Variants in DNPEP observed in about 807,000 individuals in gnomAD.
DNPEP encodes aspartyl aminopeptidase.
DNPEP carries 46 observed loss-of-function variants against 59.1 expected under a neutral mutation model. That is an observed-to-expected ratio of 0.78 (90% CI 0.61 to 0.99). The LOEUF (loss-of-function observed/expected upper bound fraction) is 0.99, where lower values mean the gene tolerates loss of function less well. DNPEP is among the 50% of genes least tolerant of loss of function. DNPEP has a pLI of 0.00. For synonymous variants in DNPEP, 229 were observed against 242.2 expected, an observed-to-expected ratio of 0.95 and a Z score of 0.50; for missense variants, 617 against 649.9, an observed-to-expected ratio of 0.95 and a Z score of 0.55.
chr2:219,394,013 C>T (rs1227554828), intron 1 of DNPEP, among the ~76,000 whole-genome samples: 2 of 152,156 alleles, frequency 1.3e-5, no homozygotes, highest in Non-Finnish European at 2.9e-5. Context: ...TTAGCATATA[C>T]ATGTGCTATA....
At chr2:219,397,930 T>A (rs960450657) in intron 1 of DNPEP, among the ~76,000 whole-genome samples, 2 of 152,096 alleles carry the variant, frequency 1.3e-5, no homozygotes, top group Non-Finnish European at 2.9e-5. Flanking sequence ...AGATGGAGTT[T>A]CAGTATGTTG....
intron 1 of DNPEP, among the ~76,000 whole-genome samples, chr2:219,393,967 A>T (rs941878840): frequency 6.6e-6 from 1 of 152,062 alleles, no homozygotes; most frequent in Non-Finnish European, 1.5e-5. Context: ...TTTCTCCTGC[A>T]TTATCAATCT....
chr2:219,387,488 T>C (rs1953899723), intron 1 of DNPEP: 4 of 1,436,194 alleles, frequency 2.8e-6, no homozygotes, highest in Non-Finnish European at 3.7e-6. Flanking sequence ...CCCCATACTC[T>C]GAGGCGGCCT....
intron 13 of DNPEP, among the ~76,000 whole-genome samples, chr2:219,376,189 T>G (rs1953363167): frequency 1.3e-5 from 2 of 151,974 alleles, no homozygotes; most frequent in African/African-American, 2.4e-5. Context: ...TCTAAGATAG[T>G]CAGAAAGGGA....
chr2:219,391,823 G>T (rs923750164), upstream of DNPEP, among the ~76,000 whole-genome samples: 81 of 146,900 alleles, frequency 5.5e-4, no homozygotes, highest in Non-Finnish European at 9.1e-4. Flanking sequence ...ATTCCTAGAT[G>T]ATTTGAATGC....
At chr2:219,391,122 A>C (rs1191752863), upstream of DNPEP, among the ~76,000 whole-genome samples, 1 of 152,200 alleles carries the variant, frequency 6.6e-6, no homozygotes, top group Non-Finnish European at 1.5e-5. Flanking sequence ...GTCAACTTCA[A>C]TTGTTTGACA....
chr2:219,382,208 G>A, intron 10 of DNPEP, 69 bp from the exon 11 acceptor site: 1 of 1,541,358 alleles, frequency 6.5e-7, no homozygotes, highest in Non-Finnish European at 8.7e-7. Context: ...CCAGTGAGAG[G>A]GGCCCATTGC....
In DNPEP at chr2:219,387,804, G is replaced by A. The variant is rs753455921; in HGVS notation, c.-10C>T. On this transcript the variant is annotated 5_prime_UTR_variant, in exon 1 of 15. Transcript: ENST00000273075. ...GGCTGTGTCCGCTCATCTGGCCTCC[G>A]GGCTCGGCCCGCCCCCACCGCGCCG... 2 of 1,583,958 alleles carry A rather than the reference G, an allele frequency of 1.3e-6. No individual in the cohort carries two copies. Among genetic ancestry groups the A allele is most frequent in the East Asian group, 2.4e-5 (1 of 41,996 alleles).
At position 219,385,965 on chromosome 2, in the gene DNPEP, C is replaced by T; in HGVS notation, c.590+3G>A. On this transcript the variant is annotated splice_donor_region_variant and intron_variant, in intron 6 of 14. Coordinates refer to ENST00000273075, the MANE Select transcript of DNPEP (RefSeq NM_012100.4). ...AGCCACCGCAGCCCTGCCCCAGTCT[C>T]ACAGATGCATCTCTGTGTTGGGCCC... 1 of 1,614,088 alleles carries T rather than the reference C, an allele frequency of 6.2e-7. No homozygotes were observed. The highest frequency in any genetic ancestry group is 8.5e-7 in the Non-Finnish European group (1 of 1,179,962).
At position 219,373,181 on chromosome 2, in the gene DNPEP, G is replaced by C. The variant is rs1953245456; in HGVS notation, c.*1111C>G. Reference sequence around the variant, plus strand: ...CCTCCTGGGTTCAAGCGATTCTCCTGCCTCAGCCTCCGGAGTGGCTGAGAT... The same window carrying C: ...CCTCCTGGGTTCAAGCGATTCTCCTCCCTCAGCCTCCGGAGTGGCTGAGAT... On this transcript the variant is annotated 3_prime_UTR_variant, in exon 15 of 15. Coordinates refer to ENST00000273075, the MANE Select transcript of DNPEP (RefSeq NM_012100.4). Among the ~76,000 whole-genome samples, 1 of 124,438 alleles carries C rather than the reference G, an allele frequency of 8.0e-6. No homozygotes were observed. The highest frequency in any genetic ancestry group is 2.9e-5 in the African/African-American group (1 of 34,516). The allele number at this position is 124,438 out of a possible 152,430, so 81.6% of individuals were successfully genotyped here.
intron 6 of DNPEP, 46 bp downstream of exon 6, chr2:219,385,922 C>A: frequency 6.2e-7 from 1 of 1,607,170 alleles, no homozygotes; most frequent in Non-Finnish European, 8.5e-7. Flanking sequence ...TCACCTGGTA[C>A]CATTCTCCAT....
intron 10 of DNPEP, among the ~76,000 whole-genome samples, chr2:219,382,896 C>T (rs1052040315): frequency 6.6e-6 from 1 of 152,182 alleles, no homozygotes; most frequent in Non-Finnish European, 1.5e-5. Context: ...GAGTCCCTGT[C>T]CTAAAGGAAG....
At position 219,374,867 on chromosome 2, in the gene DNPEP, G is replaced by T. The variant is rs1454434673; in HGVS notation, c.1395C>A (p.Leu465=). The T allele has an allele frequency of 1.1e-5, 18 of 1,613,864 alleles. No homozygotes were observed. Among genetic ancestry groups the T allele is most frequent in the Non-Finnish European group, 1.5e-5 (18 of 1,179,770 alleles). Reference sequence around the variant, plus strand: ...GGGTGGGTGTTACCTTGAAGAGGGTGAGGGTCTGGAGGACTCCTGTGGTGC... The same window carrying T: ...GGGTGGGTGTTACCTTGAAGAGGGTTAGGGTCTGGAGGACTCCTGTGGTGC... ...MACTTGVLQT[L]TLFKGFFELF... The change falls in exon 14 of 15, where the codon CTC becomes CTA. Residue 465 remains leucine (L), a synonymous_variant. Coordinates refer to ENST00000273075, the MANE Select transcript of DNPEP (RefSeq NM_012100.4).
upstream of DNPEP, among the ~76,000 whole-genome samples, chr2:219,389,261 T>A (rs550825752): frequency 6.6e-6 from 1 of 152,234 alleles, no homozygotes; most frequent in South Asian, 2.1e-4. Flanking sequence ...CCATGCACCT[T>A]CCTAGCTGCA....
intron 13 of DNPEP, among the ~76,000 whole-genome samples, 161 bp downstream of exon 13, chr2:219,381,174 A>G (rs935668170): frequency 1.3e-5 from 2 of 152,360 alleles, no homozygotes; most frequent in Middle Eastern, 3.4e-3. Flanking sequence ...CAGAGCCAGC[A>G]TGGAATCCAG....
intron 1 of DNPEP, 165 bp downstream of exon 1, chr2:219,387,594 C>A: frequency 1.3e-6 from 2 of 1,528,286 alleles, no homozygotes; most frequent in Non-Finnish European, 1.8e-6. Flanking sequence ...TCGCAGGACT[C>A]CCCCTTCCAG....
chr2:219,382,279 G>T (rs1283662777), intron 10 of DNPEP, 140 bp from the exon 11 acceptor site: 4 of 940,320 alleles, frequency 4.3e-6, no homozygotes, highest in Non-Finnish European at 6.3e-6. Flanking sequence ...CTAACCTGGG[G>T]TCGTCACTGA....
intron 9 of DNPEP, among the ~76,000 whole-genome samples, chr2:219,383,573 C>G (rs1489266922): frequency 6.6e-6 from 1 of 150,760 alleles, no homozygotes; most frequent in Non-Finnish European, 1.5e-5. Context: ...GTGTTGTTCT[C>G]TACCTTCCCA....
At chr2:219,399,859 C>A (rs757799798) in intron 1 of DNPEP, 1 of 1,550,138 alleles carries the variant, frequency 6.5e-7, no homozygotes, top group Middle Eastern at 1.7e-4. Context: ...AGACAGGCCC[C>A]GGTTACCTTG....
Sources: allele counts gnomAD v4.1 joint callset (sites outside exome capture counted in the v4.1 genomes callset), GRCh38; gene constraint gnomAD v4.1.1; transcripts MANE v1.5; gene names NCBI Gene and HGNC (gene_info 2026-07-23, HGNC 2026-07-21).